Variants in AFAP1L2 observed in about 807,000 individuals in gnomAD.
AFAP1L2 encodes actin filament-associated protein 1-like 2.
Under a neutral mutation model 99.3 loss-of-function variants are expected in AFAP1L2, and 46 were observed. That is an observed-to-expected ratio of 0.46 (90% CI 0.37 to 0.59). The LOEUF (loss-of-function observed/expected upper bound fraction) is 0.59, where lower values mean the gene tolerates loss of function less well. Ranked by LOEUF, AFAP1L2 falls within the 20% of genes least tolerant of loss-of-function variation. The pLI is 0.00. For missense variants in AFAP1L2, 959 were observed against 1,034.9 expected (o/e 0.93, Z 1.01); for synonymous variants, 397 against 419.1 (o/e 0.95, Z 0.64).
chr10:114,288,449 G>GTTGTCACA, the AFAP1L2 span, among the ~76,000 whole-genome samples: 1 of 152,252 alleles, frequency 6.6e-6, no homozygotes, highest in Admixed American at 6.5e-5. Context: ...AGGTGAAGAT[G>GTTGTCACA]TTGTCACAAA....
intron 1 of AFAP1L2, among the ~76,000 whole-genome samples, chr10:114,361,686 C>T (rs544831877): frequency 2.6e-5 from 4 of 152,282 alleles, no homozygotes; most frequent in Admixed American, 6.5e-5. Context: ...CCAGCTACAT[C>T]GTTGTGCTTC....
chr10:114,343,882 C>T (rs948188087), intron 1 of AFAP1L2, among the ~76,000 whole-genome samples: 1 of 152,210 alleles, frequency 6.6e-6, no homozygotes, highest in Non-Finnish European at 1.5e-5. Context: ...TCACCACACC[C>T]TCATCCAAGG....
rs886801844 is a variant in AFAP1L2, at chr10:114,324,408, C to T, written c.316-1147G>A. Among the ~76,000 whole-genome samples, 16 of 145,932 alleles carry T rather than the reference C, an allele frequency of 1.1e-4. No individual in the cohort carries two copies. The South Asian group carries it at 1.9e-3, about 18-fold the overall frequency. ...ACAGGGGTGCACCACCCCCCCCCCC[C>T]CCCCGGCTAATTTTTGTATTTTTAG... On this transcript the variant is annotated intron_variant, in intron 4 of 18. Coordinates refer to ENST00000304129, the MANE Select transcript of AFAP1L2 (RefSeq NM_001001936.3).
At chr10:114,362,811 A>T (rs1302475649) in intron 1 of AFAP1L2, 5 of 527,942 alleles carry the variant, frequency 9.5e-6, no homozygotes, top group Non-Finnish European at 1.2e-5. Flanking sequence ...ATTAGAAAAA[A>T]ATCTGATTTT....
the AFAP1L2 span, among the ~76,000 whole-genome samples, chr10:114,288,660 G>A: frequency 6.6e-6 from 1 of 152,354 alleles, no homozygotes; most frequent in South Asian, 2.1e-4. Context: ...AGCTGCATGA[G>A]TTTGAAATTG....
intron 2 of AFAP1L2, among the ~76,000 whole-genome samples, chr10:114,339,274 G>T (rs909961683): frequency 2.6e-5 from 4 of 151,876 alleles, no homozygotes; most frequent in Admixed American, 6.6e-5. Flanking sequence ...GTGAAACCCC[G>T]TCTCTACTAA....
intron 5 of AFAP1L2, among the ~76,000 whole-genome samples, chr10:114,318,232 T>C (rs2044462033): frequency 6.6e-6 from 1 of 152,332 alleles, no homozygotes; most frequent in African/African-American, 2.4e-5. Flanking sequence ...TATACTGTCA[T>C]TGGGATACTT....
intron 1 of AFAP1L2, 46 bp from the exon 2 acceptor site, chr10:114,340,777 CA>C: frequency 6.2e-7 from 1 of 1,613,558 alleles, no homozygotes; most frequent in Non-Finnish European, 8.5e-7. Flanking sequence ...GCCCGCTCTC[CA>C]AAGCCCAGCT....
At chr10:114,373,173 G>A (rs763081804) in intron 1 of AFAP1L2, among the ~76,000 whole-genome samples, 3 of 152,124 alleles carry the variant, frequency 2.0e-5, no homozygotes, top group Non-Finnish European at 4.4e-5. Flanking sequence ...AGCCCAGGAA[G>A]TCAAGGCTAC....
intron 1 of AFAP1L2, among the ~76,000 whole-genome samples, chr10:114,384,330 C>T (rs547859654): frequency 6.6e-6 from 1 of 151,618 alleles, no homozygotes; most frequent in Non-Finnish European, 1.5e-5. Flanking sequence ...GTCGTCCCCC[C>T]CCCGCTGCAA....
intron 8 of AFAP1L2, among the ~76,000 whole-genome samples, chr10:114,308,760 C>T (rs1245902154): frequency 2.0e-5 from 3 of 152,214 alleles, no homozygotes; most frequent in Non-Finnish European, 4.4e-5. Flanking sequence ...AAGCAGGCTG[C>T]TCAGGGGTGG....
the AFAP1L2 span, among the ~76,000 whole-genome samples, chr10:114,286,795 T>A: frequency 6.6e-6 from 1 of 152,220 alleles, no homozygotes; most frequent in Non-Finnish European, 1.5e-5. Context: ...GTGTTGCTGT[T>A]ATCATTCTTA....
intron 13 of AFAP1L2, 73 bp from the exon 14 acceptor site, chr10:114,300,763 T>TG: frequency 2.0e-6 from 3 of 1,516,258 alleles, no homozygotes; most frequent in Non-Finnish European, 2.7e-6. Flanking sequence ...GTACCAGCCC[T>TG]GCCTCACAGT....
intron 1 of AFAP1L2, among the ~76,000 whole-genome samples, chr10:114,364,794 T>A (rs2052963479): frequency 1.3e-5 from 2 of 152,066 alleles, no homozygotes; most frequent in Non-Finnish European, 2.9e-5. Flanking sequence ...AGATCCTTCC[T>A]CCTCCACTAC....
chr10:114,400,090 G>A (rs571381688), intron 1 of AFAP1L2, among the ~76,000 whole-genome samples: 65 of 152,280 alleles, frequency 4.3e-4, no homozygotes, highest in African/African-American at 1.5e-3. Context: ...CAGGGCTCTG[G>A]ACAGAAAAAG....
chr10:114,291,315 G>A (rs2039577457), downstream of AFAP1L2: 3 of 1,464,924 alleles, frequency 2.0e-6, no homozygotes, highest in Non-Finnish European at 1.8e-6. Context: ...CACTGAAATG[G>A]TGCCTACCTT....
rs555407304 is a variant in AFAP1L2, at chr10:114,350,916, G to C, written c.17-10185C>G. ...GCCAGACAAAGAGGCTTTGGGTCCC[G>C]GGAGGCCTTTGTTCCTCAGCCCATT... is the stretch of plus-strand genomic sequence containing the variant. On this transcript the variant is annotated intron_variant, in intron 1 of 18. Transcript: ENST00000304129. Among the ~76,000 whole-genome samples, 4 of 152,296 alleles carry C rather than the reference G, an allele frequency of 2.6e-5. No individual in the cohort carries two copies. In the South Asian group the frequency reaches 8.3e-4, roughly 32 times the overall value.
intron 1 of AFAP1L2, among the ~76,000 whole-genome samples, chr10:114,381,866 A>C (rs1590747655): frequency 8.7e-6 from 1 of 115,580 alleles, no homozygotes; most frequent in Non-Finnish European, 2.1e-5. Context: ...ATATGAAGAG[A>C]GTGTACACAC....
chr10:114,400,406 C>T (rs1327531347), intron 1 of AFAP1L2, among the ~76,000 whole-genome samples: 2 of 152,162 alleles, frequency 1.3e-5, no homozygotes. Flanking sequence ...TCCAGGGCTC[C>T]CACGCAACTT....
Sources: gnomAD v4.1 joint callset for allele counts (sites outside exome capture counted in the v4.1 genomes callset) on GRCh38, gnomAD v4.1.1 for gene constraint, MANE v1.5 for transcripts, NCBI Gene and HGNC (gene_info 2026-07-23, HGNC 2026-07-21) for gene names.